HACD2: variants seen among roughly 807,000 people sequenced by gnomAD.
HACD2 encodes the protein very-long-chain (3R)-3-hydroxyacyl-CoA dehydratase 2.
HACD2 carries 15 observed loss-of-function variants against 31.0 expected under a neutral mutation model. The ratio of observed to expected loss-of-function variants is 0.48; its 90% CI spans 0.32 to 0.75. The LOEUF is 0.75. Among genes scored for constraint, HACD2 ranks in the 30% least tolerant of loss-of-function variants. The pLI, the probability that HACD2 is intolerant of heterozygous loss-of-function variation, is 0.03. For missense variants in HACD2, 283 were observed against 313.0 expected, an observed-to-expected ratio of 0.90 and a Z score of 0.72; for synonymous variants, 115 against 122.2, an observed-to-expected ratio of 0.94 and a Z score of 0.39.
At chr3:123,516,123 C>G (rs1041904719) in intron 4 of HACD2, among the ~76,000 whole-genome samples, 2 of 151,972 alleles carry the variant, frequency 1.3e-5, no homozygotes, top group African/African-American at 2.4e-5. Context: ...TATTAAAAAT[C>G]CATGATAAAG....
intron 3 of HACD2, among the ~76,000 whole-genome samples, chr3:123,545,034 CAA>C (rs71142743): frequency 4.4e-5 from 2 of 45,212 alleles, no homozygotes; most frequent in Non-Finnish European, 8.0e-5. Flanking sequence ...GACCCTGCCT[CAA>C]AAAAAAAAAA....
chr3:123,558,300 A>C (rs540260329), intron 3 of HACD2, among the ~76,000 whole-genome samples: 1 of 152,230 alleles, frequency 6.6e-6, no homozygotes, highest in Non-Finnish European at 1.5e-5. Flanking sequence ...GACAAGCCCC[A>C]GAGTGGGAGT....
At chr3:123,580,656 G>C (rs1023116618) in intron 2 of HACD2, among the ~76,000 whole-genome samples, 1 of 151,672 alleles carries the variant, frequency 6.6e-6, no homozygotes, top group Non-Finnish European at 1.5e-5. Flanking sequence ...GGTGGTGCAA[G>C]CCTGTGGGCC....
intron 3 of HACD2, among the ~76,000 whole-genome samples, chr3:123,536,139 C>A (rs568220982): frequency 6.6e-6 from 1 of 152,256 alleles, no homozygotes; most frequent in South Asian, 2.1e-4. Context: ...TGAAGATCTT[C>A]CTATATCAAT....
chr3:123,540,918 A>G (rs2056482696), intron 3 of HACD2, among the ~76,000 whole-genome samples: 1 of 152,206 alleles, frequency 6.6e-6, no homozygotes, highest in Non-Finnish European at 1.5e-5. Flanking sequence ...TATTTTAAAA[A>G]TTTATCAAAT....
chr3:123,562,494 A>C (rs1369998547), intron 3 of HACD2, among the ~76,000 whole-genome samples: 1 of 144,802 alleles, frequency 6.9e-6, no homozygotes, highest in Non-Finnish European at 1.5e-5. Context: ...AATATTGAAC[A>C]TTAGAGGAAC....
At chr3:123,582,796 A>G (rs956997991) in intron 1 of HACD2, among the ~76,000 whole-genome samples, 1 of 152,192 alleles carries the variant, frequency 6.6e-6, no homozygotes, top group Non-Finnish European at 1.5e-5. Flanking sequence ...ACAATTACCC[A>G]TACCTTAAAA....
At chr3:123,513,500 G>A (rs943109064) in intron 4 of HACD2, among the ~76,000 whole-genome samples, 5 of 152,218 alleles carry the variant, frequency 3.3e-5, no homozygotes, top group African/African-American at 1.2e-4. Context: ...GGCATGGCTT[G>A]AATTGGTTAT....
At chr3:123,554,439 TAA>T (rs2056653188) in intron 3 of HACD2, among the ~76,000 whole-genome samples, 1 of 151,922 alleles carries the variant, frequency 6.6e-6, no homozygotes, top group South Asian at 2.1e-4. Flanking sequence ...AGTCCAAGGC[TAA>T]AGTGTGCTAT....
intron 6 of HACD2, among the ~76,000 whole-genome samples, chr3:123,496,246 C>T (rs907374373): frequency 6.6e-6 from 1 of 152,172 alleles, no homozygotes; most frequent in African/African-American, 2.4e-5. Context: ...TTGTCTGGAA[C>T]CCCTGGGGTC....
intron 3 of HACD2, among the ~76,000 whole-genome samples, chr3:123,554,481 C>T (rs527587481): frequency 5.5e-4 from 83 of 151,798 alleles, no homozygotes; most frequent in Non-Finnish European, 1.0e-3. Context: ...CACTGCACTC[C>T]AGCCTGGGCA....
intron 3 of HACD2, among the ~76,000 whole-genome samples, chr3:123,552,845 G>A (rs2056634383): frequency 6.6e-6 from 1 of 151,814 alleles, no homozygotes; most frequent in South Asian, 2.1e-4. Context: ...GCACCCAAAG[G>A]AGAACAGATT....
chr3:123,546,688 G>A (rs563836897), intron 3 of HACD2, among the ~76,000 whole-genome samples: 2 of 152,274 alleles, frequency 1.3e-5, no homozygotes, highest in African/African-American at 4.8e-5. Flanking sequence ...TAAAGCCACA[G>A]TAGTCAGAAT....
intron 2 of HACD2, among the ~76,000 whole-genome samples, chr3:123,579,952 CGA>C (rs1190412699): frequency 6.6e-6 from 1 of 151,946 alleles, no homozygotes; most frequent in Admixed American, 6.6e-5. Flanking sequence ...GAGGTGGATA[CGA>C]GAGAAAAGAC....
At chr3:123,578,578 C>T (rs2056932519) in intron 2 of HACD2, among the ~76,000 whole-genome samples, 1 of 152,132 alleles carries the variant, frequency 6.6e-6, no homozygotes, top group African/African-American at 2.4e-5. Flanking sequence ...GCCAGGCTTC[C>T]TTTTGTACCT....
chr3:123,521,186 G>A (rs2056210069), intron 4 of HACD2, among the ~76,000 whole-genome samples: 1 of 152,132 alleles, frequency 6.6e-6, no homozygotes, highest in Non-Finnish European at 1.5e-5. Flanking sequence ...AGTAATGTAG[G>A]AGACCCCATG....
intron 1 of HACD2, among the ~76,000 whole-genome samples, chr3:123,583,092 G>A (rs1360373643): frequency 6.6e-6 from 1 of 152,170 alleles, no homozygotes; most frequent in Non-Finnish European, 1.5e-5. Context: ...AGGCAATGGG[G>A]TGTGTGTGGT....
At chr3:123,534,338 C>A (rs1208695891) in intron 3 of HACD2, among the ~76,000 whole-genome samples, 2 of 151,880 alleles carry the variant, frequency 1.3e-5, no homozygotes, top group African/African-American at 4.8e-5. Context: ...TATAATGGAG[C>A]TGAAAAATTC....
chr3:123,560,269 A>G (rs2056714036), intron 3 of HACD2, among the ~76,000 whole-genome samples: 1 of 152,210 alleles, frequency 6.6e-6, no homozygotes, highest in African/African-American at 2.4e-5. Flanking sequence ...GAAGCGCTTA[A>G]CTGATTTGGG....
Sources: allele counts gnomAD v4.1 joint callset (sites outside exome capture counted in the v4.1 genomes callset), GRCh38; gene constraint gnomAD v4.1.1; transcripts MANE v1.5; gene names NCBI Gene and HGNC (gene_info 2026-07-23, HGNC 2026-07-21).